The following DENND1A variants were observed in gnomAD, a reference collection of about 807,000 sequenced individuals.
DENND1A encodes the protein DENN domain-containing protein 1A.
In DENND1A, 51 loss-of-function variants were observed where a neutral mutation model predicts 113.7. The ratio of observed to expected loss-of-function variants is 0.45; its 90% CI spans 0.36 to 0.57. The LOEUF (loss-of-function observed/expected upper bound fraction) is 0.57, where lower values mean the gene tolerates loss of function less well. Ranked by LOEUF, DENND1A falls within the 20% of genes least tolerant of loss-of-function variation. The probability of loss-of-function intolerance (pLI) is 0.00; values close to 1 mark genes in which losing one functional copy is unlikely to be tolerated. For missense variants in DENND1A, 1,258 were observed against 1,395.9 expected (o/e 0.90, Z 1.57); for synonymous variants, 565 against 570.8 (o/e 0.99, Z 0.14).
intron 1 of DENND1A, among the ~76,000 whole-genome samples, chr9:123,890,102 G>A (rs2133752257): frequency 6.6e-6 from 1 of 152,280 alleles, no homozygotes; most frequent in East Asian, 1.9e-4. Flanking sequence ...GAAGCTGATT[G>A]TCAAAACCGT....
At chr9:123,867,185 G>T (rs1158181437) in intron 2 of DENND1A, among the ~76,000 whole-genome samples, 1 of 152,134 alleles carries the variant, frequency 6.6e-6, no homozygotes, top group Non-Finnish European at 1.5e-5. Flanking sequence ...AGAAGGAAAT[G>T]CAAAATGTGT....
chr9:123,387,526 G>A (rs1158300696), intron 22 of DENND1A, among the ~76,000 whole-genome samples: 1 of 152,200 alleles, frequency 6.6e-6, no homozygotes, highest in East Asian at 1.9e-4. Flanking sequence ...CAGCCTCTGT[G>A]GAGCTGGCAA....
chr9:123,717,864 C>A (rs912416058), intron 5 of DENND1A, among the ~76,000 whole-genome samples: 6 of 152,166 alleles, frequency 3.9e-5, no homozygotes, highest in African/African-American at 1.4e-4. Flanking sequence ...AGCCCCCTAT[C>A]CCTCCAGCAT....
chr9:123,874,203 A>G (rs1311916587), intron 2 of DENND1A, among the ~76,000 whole-genome samples: 1 of 150,670 alleles, frequency 6.6e-6, no homozygotes, highest in Non-Finnish European at 1.5e-5. Context: ...TAAAAAGTAA[A>G]AAAAAAAAAA....
chr9:123,476,310 T>A (rs2049909508), intron 13 of DENND1A, among the ~76,000 whole-genome samples: 1 of 152,156 alleles, frequency 6.6e-6, no homozygotes, highest in Non-Finnish European at 1.5e-5. Flanking sequence ...CACGATGGTG[T>A]GGAGAACCCA....
intron 2 of DENND1A, among the ~76,000 whole-genome samples, chr9:123,822,876 T>C (rs1838704871): frequency 6.6e-6 from 1 of 152,230 alleles, no homozygotes; most frequent in Non-Finnish European, 1.5e-5. Flanking sequence ...TGGCAACTAC[T>C]TGTGGGCCTT....
At chr9:123,571,571 G>A (rs771494031) in intron 12 of DENND1A, among the ~76,000 whole-genome samples, 7 of 152,114 alleles carry the variant, frequency 4.6e-5, no homozygotes, top group Non-Finnish European at 1.0e-4. Context: ...CTGTGTGTCT[G>A]GTTTCTTTTG....
chr9:123,799,330 T>C (rs1834261912), intron 2 of DENND1A, among the ~76,000 whole-genome samples: 1 of 152,188 alleles, frequency 6.6e-6, no homozygotes, highest in Non-Finnish European at 1.5e-5. Flanking sequence ...TGTCCAAAGT[T>C]AGAAAATTAG....
intron 2 of DENND1A, among the ~76,000 whole-genome samples, chr9:123,834,172 CAAAAG>C (rs1840716601): frequency 6.6e-6 from 1 of 152,084 alleles, no homozygotes; most frequent in African/African-American, 2.4e-5. Flanking sequence ...ATACCTTTGC[CAAAAG>C]AAAATAGATA....
At chr9:123,646,247 C>T (rs915224267) in intron 9 of DENND1A, among the ~76,000 whole-genome samples, 11 of 152,140 alleles carry the variant, frequency 7.2e-5, no homozygotes, top group African/African-American at 2.4e-4. Flanking sequence ...GAAAAAGACA[C>T]TAAAACAAGT....
At chr9:123,715,850 A>G (rs1320190055) in intron 5 of DENND1A, among the ~76,000 whole-genome samples, 2 of 151,960 alleles carry the variant, frequency 1.3e-5, no homozygotes, top group Non-Finnish European at 2.9e-5. Context: ...TAATTTTTGT[A>G]TTTTTAATAG....
At chr9:123,858,665 A>G (rs1019151394) in intron 2 of DENND1A, among the ~76,000 whole-genome samples, 1 of 152,220 alleles carries the variant, frequency 6.6e-6, no homozygotes, top group African/African-American at 2.4e-5. Context: ...AGCTACGGAC[A>G]GAGAGCTGAG....
At chr9:123,569,878 T>A (rs990718148) in intron 12 of DENND1A, among the ~76,000 whole-genome samples, 3 of 152,156 alleles carry the variant, frequency 2.0e-5, no homozygotes, top group Non-Finnish European at 4.4e-5. Flanking sequence ...CCTGGTAGCA[T>A]GAATTTTATC....
intron 13 of DENND1A, among the ~76,000 whole-genome samples, chr9:123,542,725 C>T (rs1043455095): frequency 6.6e-6 from 1 of 152,006 alleles, no homozygotes; most frequent in Non-Finnish European, 1.5e-5. Context: ...AGCAATGGTT[C>T]ACCTCCTCCC....
At chr9:123,743,539 C>T (rs1383080628) in intron 5 of DENND1A, among the ~76,000 whole-genome samples, 1 of 151,846 alleles carries the variant, frequency 6.6e-6, no homozygotes, top group Non-Finnish European at 1.5e-5. Flanking sequence ...TGAGACCAGC[C>T]TGACCAATAT....
chr9:123,431,091 G>A (rs905538139), intron 19 of DENND1A, among the ~76,000 whole-genome samples: 2 of 152,180 alleles, frequency 1.3e-5, no homozygotes, highest in East Asian at 3.8e-4. Context: ...GCTAGCATAA[G>A]CCAACAATTT....
intron 13 of DENND1A, among the ~76,000 whole-genome samples, chr9:123,525,758 C>T (rs1003964795): frequency 7.7e-6 from 1 of 129,830 alleles, no homozygotes; most frequent in Non-Finnish European, 1.6e-5. Flanking sequence ...TGCAGTCTAC[C>T]TTTTTTTTTT....
At chr9:123,848,228 T>TAAAAAAAA (rs375535777) in intron 2 of DENND1A, among the ~76,000 whole-genome samples, 5 of 60,518 alleles carry the variant, frequency 8.3e-5, no homozygotes, top group Non-Finnish European at 1.2e-4. Flanking sequence ...GATACTGCTT[T>TAAAAAAAA]AAAAAAAAAA....
chr9:123,532,004 C>A (rs1404535485), intron 13 of DENND1A, among the ~76,000 whole-genome samples: 1 of 152,042 alleles, frequency 6.6e-6, no homozygotes, highest in Non-Finnish European at 1.5e-5. Context: ...TTGGCAAATA[C>A]CTGAAGGGTG....
Sources: allele counts gnomAD v4.1 joint callset (sites outside exome capture counted in the v4.1 genomes callset), GRCh38; gene constraint gnomAD v4.1.1; transcripts MANE v1.5; gene names NCBI Gene and HGNC (gene_info 2026-07-23, HGNC 2026-07-21).